Variants in IL1RAPL2 observed in about 807,000 individuals in gnomAD.
IL1RAPL2 encodes interleukin 1 receptor accessory protein like 2, also known as X-linked interleukin-1 receptor accessory protein-like 2.
In IL1RAPL2, 3 loss-of-function variants were observed where a neutral mutation model predicts 44.1. The observed-to-expected ratio is 0.07, with a 90% CI of 0.03 to 0.18. The LOEUF (loss-of-function observed/expected upper bound fraction) is 0.18, where lower values mean the gene tolerates loss of function less well. IL1RAPL2 is among the 10% of genes least tolerant of loss of function. The pLI, the probability that IL1RAPL2 is intolerant of heterozygous loss-of-function variation, is 1.00. For synonymous variants in IL1RAPL2, 181 were observed against 178.8 expected, an observed-to-expected ratio of 1.01 and a Z score of -0.10; for missense variants, 391 against 496.4, an observed-to-expected ratio of 0.79 and a Z score of 2.02.
chrX:105,592,892 G>T (rs1172975167), intron 6 of IL1RAPL2, among the ~76,000 whole-genome samples: 1 of 111,698 alleles, frequency 9.0e-6, no homozygotes, highest in African/African-American at 3.2e-5. Flanking sequence ...TGGAGAATCT[G>T]ATGACTATTT....
intron 2 of IL1RAPL2, among the ~76,000 whole-genome samples, chrX:104,928,658 C>T (rs1005919418): frequency 2.7e-5 from 3 of 111,392 alleles, no homozygotes; most frequent in Non-Finnish European, 3.8e-5. Flanking sequence ...CAAGTAGCCA[C>T]GGAAATAAGC....
At chrX:105,070,956 C>A (rs1444900743) in intron 2 of IL1RAPL2, among the ~76,000 whole-genome samples, 2 of 111,210 alleles carry the variant, frequency 1.8e-5, no homozygotes, top group Non-Finnish European at 3.8e-5. Flanking sequence ...TAAATCTGTG[C>A]TATGCAATAT....
At chrX:105,759,154 T>C (rs1426898494) in intron 10 of IL1RAPL2, among the ~76,000 whole-genome samples, 1 of 111,966 alleles carries the variant, frequency 8.9e-6, no homozygotes, top group Non-Finnish European at 1.9e-5. Context: ...AAACCAAAAA[T>C]GTAAAAAGTT....
intron 5 of IL1RAPL2, among the ~76,000 whole-genome samples, chrX:105,382,617 T>A (rs1405863738): frequency 1.9e-5 from 2 of 105,106 alleles, no homozygotes; most frequent in Non-Finnish European, 3.8e-5. Context: ...ATCCCATTAC[T>A]GGGTATATAC....
intron 2 of IL1RAPL2, among the ~76,000 whole-genome samples, chrX:105,184,209 A>G (rs2033561933): frequency 9.0e-6 from 1 of 111,448 alleles, no homozygotes; most frequent in African/African-American, 3.3e-5. Context: ...TCTTTGTTGA[A>G]ATTCAGCATT....
intron 2 of IL1RAPL2, among the ~76,000 whole-genome samples, chrX:104,956,514 G>A (rs1479596403): frequency 2.4e-5 from 2 of 81,823 alleles, no homozygotes; most frequent in Non-Finnish European, 4.9e-5. Context: ...GCGTGGTGGC[G>A]CATATCTCAG....
chrX:104,931,376 TAAAAAA>T (rs11459071), intron 2 of IL1RAPL2, among the ~76,000 whole-genome samples: 4 of 75,366 alleles, frequency 5.3e-5, no homozygotes, highest in Non-Finnish European at 1.1e-4. Flanking sequence ...CCACCTCCCC[TAAAAAA>T]AAAAAAAAAA....
At chrX:104,846,168 T>C (rs1422943473) in intron 2 of IL1RAPL2, among the ~76,000 whole-genome samples, 2 of 111,518 alleles carry the variant, frequency 1.8e-5, no homozygotes, top group African/African-American at 6.5e-5. Flanking sequence ...GTAAAATTAA[T>C]AGTAATATAA....
At chrX:104,999,287 G>C (rs1369708979) in intron 2 of IL1RAPL2, among the ~76,000 whole-genome samples, 1 of 111,721 alleles carries the variant, frequency 9.0e-6, no homozygotes, top group Non-Finnish European at 1.9e-5. Flanking sequence ...TGTACGTGGA[G>C]TGGGAGAGTG....
At chrX:104,736,320 A>T (rs903847923) in intron 2 of IL1RAPL2, among the ~76,000 whole-genome samples, 1 of 112,160 alleles carries the variant, frequency 8.9e-6, no homozygotes, top group African/African-American at 3.2e-5. Context: ...GGCAGTGCTC[A>T]TATCTCATAA....
chrX:105,293,189 A>AAAG (rs1238946221), intron 5 of IL1RAPL2, among the ~76,000 whole-genome samples: 1 of 110,153 alleles, frequency 9.1e-6, no homozygotes, highest in African/African-American at 3.3e-5. Flanking sequence ...TATATTTTAA[A>AAAG]AAGTGTACAT....
chrX:105,110,883 G>A, intron 2 of IL1RAPL2, among the ~76,000 whole-genome samples: 1 of 111,570 alleles, frequency 9.0e-6, no homozygotes, highest in Non-Finnish European at 1.9e-5. Flanking sequence ...GTTGTGGTGA[G>A]CCAAGATTGT....
At position 105,181,630 on chromosome X, in the gene IL1RAPL2, C is replaced by G. The variant is rs972652537; in HGVS notation, c.83-13845C>G. On this transcript the variant is annotated intron_variant, in intron 2 of 10. Coordinates refer to ENST00000372582, the MANE Select transcript of IL1RAPL2 (RefSeq NM_017416.2). ...TGCATTTGTACAACTTCCAAAGTTC[C>G]TCTTGTTTATTTTTTGTTTTATTCT... Among the ~76,000 whole-genome samples, 3 of 111,650 alleles carry G rather than the reference C, an allele frequency of 2.7e-5. No homozygotes were observed. In the Admixed American group the frequency reaches 2.9e-4, roughly 11 times the overall value.
chrX:105,234,969 A>T (rs782070526), intron 4 of IL1RAPL2, among the ~76,000 whole-genome samples: 1 of 110,744 alleles, frequency 9.0e-6, no homozygotes, highest in African/African-American at 3.3e-5. Flanking sequence ...AGAGTGGAGG[A>T]AGCTGCCAAG....
intron 2 of IL1RAPL2, among the ~76,000 whole-genome samples, chrX:104,773,654 T>C (rs747510543): frequency 1.2e-4 from 13 of 111,929 alleles, no homozygotes; most frequent in African/African-American, 4.2e-4. Context: ...GGAAAGAAGT[T>C]CGTGCTGTTG....
chrX:105,097,200 C>T (rs1274333555), intron 2 of IL1RAPL2, among the ~76,000 whole-genome samples: 5 of 108,705 alleles, frequency 4.6e-5, no homozygotes, highest in Non-Finnish European at 9.5e-5. Context: ...TGGTGACTGG[C>T]GCCTGTAGTC....
chrX:105,524,691 T>C (rs1467749236), intron 6 of IL1RAPL2, among the ~76,000 whole-genome samples: 1 of 111,017 alleles, frequency 9.0e-6, no homozygotes, highest in East Asian at 2.8e-4. Flanking sequence ...GTCTCATTAT[T>C]TTAAAATGTT....
intron 5 of IL1RAPL2, among the ~76,000 whole-genome samples, chrX:105,396,345 T>C (rs1244918531): frequency 9.4e-6 from 1 of 106,310 alleles, no homozygotes; most frequent in African/African-American, 3.4e-5. Context: ...AAAGTTGAGA[T>C]GACTTTACGG....
chrX:104,677,901 A>C (rs1930812666), intron 2 of IL1RAPL2, among the ~76,000 whole-genome samples: 1 of 111,347 alleles, frequency 9.0e-6, no homozygotes. Context: ...CGGAAAGGGA[A>C]CTCCCTGACC....
Sources: gnomAD v4.1 joint callset for allele counts (sites outside exome capture counted in the v4.1 genomes callset) on GRCh38, gnomAD v4.1.1 for gene constraint, MANE v1.5 for transcripts, NCBI Gene and HGNC (gene_info 2026-07-23, HGNC 2026-07-21) for gene names.